Variants in PTPRD observed in about 807,000 individuals in gnomAD.
The protein encoded by PTPRD is receptor-type tyrosine-protein phosphatase delta.
PTPRD carries 34 observed loss-of-function variants against 214.5 expected under a neutral mutation model. That is an observed-to-expected ratio of 0.16 (90% confidence interval 0.12 to 0.21). PTPRD has a LOEUF of 0.21. Among genes scored for constraint, PTPRD ranks in the 10% least tolerant of loss-of-function variants. The probability of loss-of-function intolerance (pLI) is 1.00; values close to 1 mark genes in which losing one functional copy is unlikely to be tolerated. For synonymous variants in PTPRD, 1,128 were observed against 845.7 expected (o/e 1.33, Z -5.79); for missense variants, 2,545 against 2,398.7 (o/e 1.06, Z -1.27).
intron 6 of PTPRD, among the ~76,000 whole-genome samples, chr9:9,756,567 G>C (rs191721317): frequency 1.1e-3 from 171 of 152,190 alleles, no homozygotes; most frequent in African/African-American, 3.9e-3. Context: ...GCAGATAGGG[G>C]GTGGGGGTTG....
At chr9:8,393,668 T>A (rs909148710) in intron 36 of PTPRD, among the ~76,000 whole-genome samples, 1 of 152,130 alleles carries the variant, frequency 6.6e-6, no homozygotes, top group South Asian at 2.1e-4. Context: ...TGGGTTTTCA[T>A]GATTTCTCAT....
intron 3 of PTPRD, among the ~76,000 whole-genome samples, chr9:10,326,402 T>C (rs1003254178): frequency 6.6e-6 from 1 of 151,782 alleles, no homozygotes; most frequent in African/African-American, 2.4e-5. Flanking sequence ...AAACAAAGTT[T>C]AAAGTACCTT....
intron 2 of PTPRD, among the ~76,000 whole-genome samples, chr9:10,597,840 A>T (rs1170325615): frequency 2.6e-5 from 4 of 151,870 alleles, no homozygotes; most frequent in African/African-American, 9.7e-5. Context: ...TCTATAGTTT[A>T]TATTAAGAAC....
chr9:10,105,861 G>A (rs544681564), intron 3 of PTPRD, among the ~76,000 whole-genome samples: 1 of 151,476 alleles, frequency 6.6e-6, no homozygotes, highest in Middle Eastern at 3.4e-3. Context: ...GTAGCCAAGG[G>A]TCTTACATGA....
At chr9:9,503,375 G>A in intron 8 of PTPRD, among the ~76,000 whole-genome samples, 1 of 151,392 alleles carries the variant, frequency 6.6e-6, no homozygotes, top group Non-Finnish European at 1.5e-5. Flanking sequence ...ATAACAAAGT[G>A]ACTCACATTT....
In PTPRD at chr9:9,562,023, A is replaced by T. The variant is rs1256413800; in HGVS notation, c.-237+12709T>A. ...TTCCAAAATGAAGCCTCATATATCC[A>T]TATGACTACTTGATACCCAACTTCG... On this transcript the variant is annotated intron_variant, in intron 8 of 45. Coordinates refer to ENST00000381196, the MANE Select transcript of PTPRD (RefSeq NM_002839.4). Among the ~76,000 whole-genome samples, 7 of 152,188 alleles carry T rather than the reference A, an allele frequency of 4.6e-5. No individual in the cohort carries two copies. In the East Asian group the frequency reaches 1.3e-3, roughly 29 times the overall value.
At chr9:8,847,284 A>G (rs1198305319) in intron 11 of PTPRD, among the ~76,000 whole-genome samples, 1 of 124,756 alleles carries the variant, frequency 8.0e-6, no homozygotes, top group Non-Finnish European at 1.6e-5. Context: ...CTGAATATAC[A>G]TAACAGTATT....
intron 2 of PTPRD, among the ~76,000 whole-genome samples, chr9:10,412,493 T>C (rs2098446274): frequency 6.6e-6 from 1 of 151,714 alleles, no homozygotes; most frequent in Admixed American, 6.6e-5. Flanking sequence ...CAGACCTATG[T>C]AAAGAGCTGG....
At chr9:9,759,021 A>T (rs1315838137) in intron 6 of PTPRD, among the ~76,000 whole-genome samples, 1 of 152,158 alleles carries the variant, frequency 6.6e-6, no homozygotes, top group African/African-American at 2.4e-5. Flanking sequence ...TTAAAGAAAA[A>T]AAGTTGTATC....
At chr9:9,430,757 C>A (rs1471498371) in intron 8 of PTPRD, among the ~76,000 whole-genome samples, 1 of 152,162 alleles carries the variant, frequency 6.6e-6, no homozygotes, top group Non-Finnish European at 1.5e-5. Context: ...CACACATCTA[C>A]AACCATCTGA....
Position 9,676,859 on chromosome 9 carries a change from C to T in PTPRD, c.-287+57674G>A, listed in dbSNP as rs533007337. Among the ~76,000 whole-genome samples the T allele has an allele frequency of 5.1e-3, 781 of 152,290 alleles. 6 individuals carry two copies. The highest frequency in any genetic ancestry group is 0.018 in the African/African-American group (738 of 41,566). ...GGTATCTCATTGTGGTTTTGATTTG[C>T]ATTTCTCTGATGGCCAGTGATGATG... is the stretch of plus-strand genomic sequence containing the variant. On this transcript the variant is annotated intron_variant, in intron 7 of 45. Coordinates refer to ENST00000381196, the MANE Select transcript of PTPRD (RefSeq NM_002839.4).
At chr9:9,029,444 TG>T in intron 10 of PTPRD, among the ~76,000 whole-genome samples, 1 of 151,872 alleles carries the variant, frequency 6.6e-6, no homozygotes, top group Middle Eastern at 3.4e-3. Context: ...CAGGTGGCAA[TG>T]GGAAAAATTG....
At chr9:10,188,887 A>T (rs148772305) in intron 3 of PTPRD, among the ~76,000 whole-genome samples, 1 of 152,266 alleles carries the variant, frequency 6.6e-6, no homozygotes, top group Non-Finnish European at 1.5e-5. Context: ...TTAACACAAT[A>T]ATTGTATGAT....
chr9:8,845,532 C>T (rs977711118), intron 11 of PTPRD, among the ~76,000 whole-genome samples: 1 of 152,212 alleles, frequency 6.6e-6, no homozygotes, highest in South Asian at 2.1e-4. Context: ...TGAAAGACAG[C>T]CTGGCTGTGC....
chr9:9,849,490 T>C (rs2060147722), intron 5 of PTPRD, among the ~76,000 whole-genome samples: 1 of 152,242 alleles, frequency 6.6e-6, no homozygotes, highest in Admixed American at 6.5e-5. Context: ...TAAATTTATA[T>C]ATAGAAGTCT....
chr9:9,291,953 A>T (rs780398711), intron 9 of PTPRD, among the ~76,000 whole-genome samples: 5 of 150,886 alleles, frequency 3.3e-5, no homozygotes, highest in African/African-American at 1.2e-4. Flanking sequence ...TTTTAAATTC[A>T]TTTAACCTAA....
intron 3 of PTPRD, among the ~76,000 whole-genome samples, chr9:10,122,679 A>G (rs985856998): frequency 1.3e-5 from 2 of 152,228 alleles, no homozygotes; most frequent in African/African-American, 4.8e-5. Flanking sequence ...CATCCTTAAA[A>G]TTTATGCATC....
intron 9 of PTPRD, among the ~76,000 whole-genome samples, chr9:9,338,652 T>G (rs1375070515): frequency 6.6e-6 from 1 of 152,186 alleles, no homozygotes; most frequent in Admixed American, 6.5e-5. Flanking sequence ...ATCTAAAGCC[T>G]TCTCATTATC....
chr9:8,426,285 A>G (rs1020486659), intron 35 of PTPRD, among the ~76,000 whole-genome samples: 2 of 152,188 alleles, frequency 1.3e-5, no homozygotes, highest in African/African-American at 4.8e-5. Flanking sequence ...CTGGCTCAGG[A>G]TCAAGCAGCG....
Sources: allele counts gnomAD v4.1 joint callset (sites outside exome capture counted in the v4.1 genomes callset), GRCh38; gene constraint gnomAD v4.1.1; transcripts MANE v1.5; gene names NCBI Gene and HGNC (gene_info 2026-07-23, HGNC 2026-07-21).